The following CDH26 variants were observed in gnomAD, a reference collection of about 807,000 sequenced individuals.
The protein encoded by CDH26 is cadherin 26.
In CDH26, 83 loss-of-function variants were observed where a neutral mutation model predicts 90.3. That is an observed-to-expected ratio of 0.92 (90% CI 0.77 to 1.10). The LOEUF is 1.10. CDH26 is among the 50% of genes least tolerant of loss of function. CDH26 has a pLI of 0.00. For synonymous variants in CDH26, 397 were observed against 396.3 expected (o/e 1.00, Z -0.02); for missense variants, 1,013 against 1,037.6 (o/e 0.98, Z 0.33).
chr20:60,027,897 T>A (rs1396206833), intron 7 of CDH26, among the ~76,000 whole-genome samples: 2 of 152,232 alleles, frequency 1.3e-5, no homozygotes, highest in Non-Finnish European at 2.9e-5. Context: ...TAATGATAGA[T>A]TCACATGCAT....
intron 1 of CDH26, among the ~76,000 whole-genome samples, chr20:59,968,762 C>G (rs1047107654): frequency 1.3e-5 from 2 of 152,068 alleles, no homozygotes; most frequent in African/African-American, 4.8e-5. Context: ...AATCAGAATT[C>G]TTTTCATTAT....
In CDH26 at chr20:59,992,906, C is replaced by T. The variant is rs2061545311; in HGVS notation, c.1426+386C>T. Among the ~76,000 whole-genome samples, 1 of 152,110 alleles carries T rather than the reference C, an allele frequency of 6.6e-6. No homozygotes were observed. The highest frequency in any genetic ancestry group is 1.5e-5 in the Non-Finnish European group (1 of 68,026). ...CTCAGATAAATGGGACTGTAAGGGA[C>T]ACATTTGTCATAAACCAGAATGGGT... On this transcript the variant is annotated intron_variant, in intron 10 of 17. Transcript: ENST00000348616. The surrounding 1 kb of genome is among the most constrained non-coding windows in gnomAD (Gnocchi z 5.0).
chr20:59,976,751 C>T (rs902732232), intron 4 of CDH26, among the ~76,000 whole-genome samples: 1 of 152,036 alleles, frequency 6.6e-6, no homozygotes, highest in Non-Finnish European at 1.5e-5. Flanking sequence ...CTGCGCTAGA[C>T]GTAGGGGCTG....
intron 11 of CDH26, among the ~76,000 whole-genome samples, chr20:59,995,146 G>A (rs1395771419): frequency 6.6e-6 from 1 of 152,160 alleles, no homozygotes; most frequent in Non-Finnish European, 1.5e-5. Context: ...AAAGCACTTC[G>A]CCTTGCCCAA....
intron 6 of CDH26, 76 bp from the exon 7 acceptor site, chr20:59,984,925 T>C (rs1328923073): frequency 5.1e-6 from 8 of 1,574,526 alleles, no homozygotes; most frequent in Non-Finnish European, 6.9e-6. Flanking sequence ...TTGAAATTCC[T>C]AAACAGAATA....
chr20:59,985,156 C>G, intron 7 of CDH26, 27 bp downstream of exon 7: 3 of 1,611,752 alleles, frequency 1.9e-6, no homozygotes, highest in Non-Finnish European at 2.5e-6. Flanking sequence ...GCCCCAACGT[C>G]TAAGCCCCAA....
chr20:59,999,763 C>A, intron 14 of CDH26, 100 bp downstream of exon 14: 1 of 1,079,634 alleles, frequency 9.3e-7, no homozygotes, highest in African/African-American at 1.6e-5. Flanking sequence ...GTGCCACATC[C>A]AGGGAGGTTC....
In CDH26 at chr20:60,030,375, G is replaced by T. The variant is rs1351967508; in HGVS notation, c.948-856G>T. Reference sequence around the variant, plus strand: ...GGTCTGTTGGTGTTTTAAGTATCTGGGTTTTTTTTTGTTTGCTTTTTTTTG... The same window carrying T: ...GGTCTGTTGGTGTTTTAAGTATCTGTGTTTTTTTTTGTTTGCTTTTTTTTG... On this transcript the variant is annotated intron_variant, in intron 7 of 8. Transcript: ENST00000370991. The surrounding 1 kb of genome is among the most constrained non-coding windows in gnomAD (Gnocchi z 4.0). Among the ~76,000 whole-genome samples, 1 of 152,012 alleles carries T rather than the reference G, an allele frequency of 6.6e-6. No individual in the cohort carries two copies. Among genetic ancestry groups the T allele is most frequent in the Non-Finnish European group, 1.5e-5 (1 of 67,982 alleles).
At chr20:59,980,448 C>A (rs145070607) in intron 4 of CDH26, among the ~76,000 whole-genome samples, 1 of 152,100 alleles carries the variant, frequency 6.6e-6, no homozygotes, top group Admixed American at 6.5e-5. Context: ...TTGCCTGCCA[C>A]CATGCCTGGC....
intron 17 of CDH26, among the ~76,000 whole-genome samples, chr20:60,010,849 C>T (rs1483429259): frequency 1.3e-5 from 2 of 151,586 alleles, no homozygotes; most frequent in African/African-American, 2.4e-5. Flanking sequence ...GGTGTCGAGC[C>T]GGAGCCTGCC....
chr20:60,030,669 A>C lies in CDH26; in HGVS notation c.948-562A>C, dbSNP rs751445675. The stretch of plus-strand genomic sequence containing the variant: ...ATGGACTTTGAAGCTGAGAGGCTGT[A>C]AGTGCAGGGGCAGTTGCAGCAACCT... On this transcript the variant is annotated intron_variant, in intron 7 of 8. Coordinates refer to the CDH26 transcript ENST00000370991. This position sits in a 1 kb window ranked among gnomAD's most constrained non-coding sequence, Gnocchi z 4.0. Among the ~76,000 whole-genome samples the C allele has an allele frequency of 6.6e-6, 1 of 152,202 alleles. No individual in the cohort carries two copies. The highest frequency in any genetic ancestry group is 1.5e-5 in the Non-Finnish European group (1 of 68,044).
chr20:60,002,732 T>G (rs922732786), intron 15 of CDH26, 81 bp from the exon 16 acceptor site: 2 of 1,066,732 alleles, frequency 1.9e-6, no homozygotes, highest in African/African-American at 3.1e-5. Flanking sequence ...AAAGGCAATA[T>G]GACTGCAAGA....
At chr20:60,010,255 G>T (rs1201450111) in intron 17 of CDH26, among the ~76,000 whole-genome samples, 1 of 152,124 alleles carries the variant, frequency 6.6e-6, no homozygotes, top group East Asian at 1.9e-4. Context: ...CACGCATGGG[G>T]TCCCTGGGGC....
intron 10 of CDH26, among the ~76,000 whole-genome samples, chr20:59,993,291 T>C (rs2061550202): frequency 6.6e-6 from 1 of 152,230 alleles, no homozygotes; most frequent in Non-Finnish European, 1.5e-5. Flanking sequence ...TCAAAAGCTT[T>C]TGGGGTACAA....
At chr20:60,009,852 T>C (rs77769808) in intron 17 of CDH26, among the ~76,000 whole-genome samples, 5,086 of 152,174 alleles carry the variant, frequency 0.033, 166 homozygotes, top group African/African-American at 0.077. Flanking sequence ...TCGCTAATTA[T>C]CTATTCAGCT....
intron 4 of CDH26, among the ~76,000 whole-genome samples, chr20:59,978,468 T>G (rs1303266692): frequency 6.6e-6 from 1 of 151,702 alleles, no homozygotes; most frequent in African/African-American, 2.4e-5. Context: ...CTCTGCCTCC[T>G]GGGTTCAAGT....
chr20:59,998,533 A>G (rs2061631806), intron 13 of CDH26, among the ~76,000 whole-genome samples: 1 of 152,178 alleles, frequency 6.6e-6, no homozygotes, highest in Non-Finnish European at 1.5e-5. Context: ...TGCCAGTGGG[A>G]CAAGAGAACC....
At position 60,001,426 on chromosome 20, in the gene CDH26, G is replaced by T. The variant is rs1330250693; in HGVS notation, c.2166+15G>T. ...TGGGGAGCTGGGTGAGTTCCAGAAGGTTGCTCCCTGCTACGGCCATCTCAC... is the reference window on the plus strand; with the variant it reads ...TGGGGAGCTGGGTGAGTTCCAGAAGTTTGCTCCCTGCTACGGCCATCTCAC... On this transcript the variant is annotated intron_variant, in intron 15 of 17. Coordinates refer to ENST00000348616, the MANE Select transcript of CDH26 (RefSeq NM_177980.4). 3 of 1,612,842 alleles carry T rather than the reference G, an allele frequency of 1.9e-6. No homozygotes were observed. The highest frequency in any genetic ancestry group is 2.5e-6 in the Non-Finnish European group (3 of 1,179,494).
At position 59,995,952 on chromosome 20, in the gene CDH26, C is replaced by T. The variant is rs868188900; in HGVS notation, c.1786C>T (p.Pro596Ser). 8 of 1,614,098 alleles carry T rather than the reference C, an allele frequency of 5.0e-6. No individual in the cohort carries two copies. In the Middle Eastern group the frequency reaches 4.9e-4, roughly 99 times the overall value. The change falls in exon 12 of 18, where the codon CCC becomes TCC. Residue 596 changes from proline (P) to serine (S), a missense_variant. By Grantham distance (74) the Pro-to-Ser change is moderately conservative. Coordinates refer to ENST00000348616, the MANE Select transcript of CDH26 (RefSeq NM_177980.4). The stretch of plus-strand genomic sequence containing the variant: ...GCAAACTGTCCATGTAAGGATCTGC[C>T]CCTGTGCCAGTGGGCTCACATGTGT... Reference protein sequence around the residue: ...QKQTVHVRICPCASGLTCVEL... With the variant: ...QKQTVHVRICSCASGLTCVEL...
Sources: allele counts gnomAD v4.1 joint callset (sites outside exome capture counted in the v4.1 genomes callset), GRCh38; gene constraint gnomAD v4.1.1; non-coding constraint Gnocchi (gnomAD v3.1); transcripts MANE v1.5; gene names NCBI Gene and HGNC (gene_info 2026-07-23, HGNC 2026-07-21).